The following LDLRAD2 variants were observed in gnomAD, a reference collection of about 807,000 sequenced individuals.
LDLRAD2 encodes the protein low density lipoprotein receptor class A domain containing 2.
In LDLRAD2, 25 loss-of-function variants were observed where a neutral mutation model predicts 24.9. The observed-to-expected ratio is 1.00, with a 90% CI of 0.73 to 1.40. The LOEUF (loss-of-function observed/expected upper bound fraction) is 1.40. LDLRAD2 is among the 40% of genes most tolerant of loss of function. The probability of loss-of-function intolerance (pLI) is 0.00; values close to 1 mark genes in which losing one functional copy is unlikely to be tolerated. For synonymous variants in LDLRAD2, 182 were observed against 166.7 expected (o/e 1.09, Z -0.71); for missense variants, 391 against 366.2 (o/e 1.07, Z -0.55).
In LDLRAD2 at chr1:21,824,590, C is replaced by T. The variant is rs374870276; in HGVS notation, c.*2375C>T. The T allele has an allele frequency of 2.2e-5, 36 of 1,613,894 alleles. No individual in the cohort carries two copies. Among genetic ancestry groups the T allele is most frequent in the Middle Eastern group, 1.6e-4 (1 of 6,062 alleles). On this transcript the variant is annotated 3_prime_UTR_variant, in exon 5 of 5. Coordinates refer to ENST00000344642, the MANE Select transcript of LDLRAD2 (RefSeq NM_001013693.3). The surrounding 1 kb of genome is among the most constrained non-coding windows in gnomAD (Gnocchi z 5.9). Reference sequence around the variant, plus strand: ...GCTGTGCTGGTCCGAACCTCCAGCTCGATGGTCTCGGGCACCTCGGGCAGG... The same window carrying T: ...GCTGTGCTGGTCCGAACCTCCAGCTTGATGGTCTCGGGCACCTCGGGCAGG...
At chr1:21,818,767 C>G (rs2097946923) in intron 3 of LDLRAD2, among the ~76,000 whole-genome samples, 1 of 152,146 alleles carries the variant, frequency 6.6e-6, no homozygotes, top group Non-Finnish European at 1.5e-5. Flanking sequence ...GCTCAAAACC[C>G]TCATCACATT....
At chr1:21,817,883 C>CT (rs202026867) in intron 3 of LDLRAD2, among the ~76,000 whole-genome samples, 14 of 151,868 alleles carry the variant, frequency 9.2e-5, no homozygotes, top group African/African-American at 3.1e-4. Context: ...TATTTTATTA[C>CT]TTTTTTTCAG....
At chr1:21,818,289 GGC>G (rs1553154138) in intron 3 of LDLRAD2, among the ~76,000 whole-genome samples, 1 of 152,210 alleles carries the variant, frequency 6.6e-6, no homozygotes, top group Non-Finnish European at 1.5e-5. Flanking sequence ...TGGGATTACA[GGC>G]GTGAGCCTCC....
chr1:21,815,855 C>T (rs1205027815), intron 2 of LDLRAD2, 88 bp from the exon 3 acceptor site: 4 of 1,527,430 alleles, frequency 2.6e-6, no homozygotes, highest in Non-Finnish European at 3.6e-6. Context: ...TGCCCACACC[C>T]CCACACTGTC....
intron 3 of LDLRAD2, among the ~76,000 whole-genome samples, chr1:21,817,665 A>T (rs2097945295): frequency 6.6e-6 from 1 of 152,164 alleles, no homozygotes. Context: ...AATTGAGAAG[A>T]TAGTACAGAA....
intron 3 of LDLRAD2, among the ~76,000 whole-genome samples, chr1:21,819,857 T>C (rs1444453313): frequency 6.6e-6 from 1 of 152,156 alleles, no homozygotes; most frequent in Non-Finnish European, 1.5e-5. Flanking sequence ...ACAGGAAGCA[T>C]GATGCTGGCA....
In LDLRAD2 at chr1:21,823,456, C is replaced by A; in HGVS notation, c.*1241C>A. The A allele has an allele frequency of 6.3e-7, 1 of 1,595,536 alleles. No individual in the cohort carries two copies. On this transcript the variant is annotated 3_prime_UTR_variant, in exon 5 of 5. Transcript: ENST00000344642. ...CCTGTGATGCCTGAGGAGAATCTGC[C>A]CCCGGTCAGCGTGGCCACGTCAGGG...
At position 21,823,603 on chromosome 1, in the gene LDLRAD2, GC is replaced by G. The variant is rs1471677255; in HGVS notation, c.*1392del. 6.2e-7 allele frequency: 1 copy of G among 1,612,030 alleles called. No homozygotes were observed. The highest frequency in any genetic ancestry group is 1.7e-5 in the Admixed American group (1 of 60,020). On this transcript the variant is annotated 3_prime_UTR_variant, in exon 5 of 5. Coordinates refer to ENST00000344642, the MANE Select transcript of LDLRAD2 (RefSeq NM_001013693.3). ...GTTCCTGCCCCTGCCCTGAGAAGGA[GC>G]CCCAGACTTACCGATGTAGACGCTG...
At chr1:21,815,170 TCA>T (rs1488688115) in intron 2 of LDLRAD2, among the ~76,000 whole-genome samples, 4 of 151,884 alleles carry the variant, frequency 2.6e-5, no homozygotes, top group African/African-American at 9.7e-5. Flanking sequence ...CGTTCACACC[TCA>T]CACTCTGACA....
At chr1:21,816,347 T>G (rs575174275) in intron 3 of LDLRAD2, among the ~76,000 whole-genome samples, 1 of 152,344 alleles carries the variant, frequency 6.6e-6, no homozygotes, top group East Asian at 1.9e-4. Context: ...TCAAAGGAGA[T>G]ATCCTCTGCT....
chr1:21,819,871 G>C (rs1037825095), intron 3 of LDLRAD2, among the ~76,000 whole-genome samples: 4 of 152,200 alleles, frequency 2.6e-5, no homozygotes, highest in African/African-American at 9.6e-5. Context: ...GCTGGCATCT[G>C]CTCAGCTTCA....
intron 4 of LDLRAD2, 174 bp from the exon 5 acceptor site, chr1:21,822,028 C>T: frequency 6.9e-7 from 1 of 1,447,026 alleles, no homozygotes; most frequent in Non-Finnish European, 9.1e-7. Flanking sequence ...GTTCTAACCC[C>T]CTGGCTCTCT....
At chr1:21,819,361 G>A (rs905179125) in intron 3 of LDLRAD2, among the ~76,000 whole-genome samples, 18 of 151,658 alleles carry the variant, frequency 1.2e-4, no homozygotes, top group African/African-American at 2.7e-4. Flanking sequence ...CAACAAGAGC[G>A]AAACTGTCTC....
At chr1:21,816,427 G>T (rs2097944061) in intron 3 of LDLRAD2, among the ~76,000 whole-genome samples, 2 of 152,202 alleles carry the variant, frequency 1.3e-5, no homozygotes. Flanking sequence ...TCACCCTCAA[G>T]ACATACTTTG....
chr1:21,821,671 G>A (rs6695528), intron 4 of LDLRAD2, 60 bp downstream of exon 4: 459,753 of 1,593,954 alleles, frequency 0.29, 67,895 homozygotes, highest in South Asian at 0.4. Context: ...TAGGTGATGG[G>A]GACGGGGCAG....
rs559484140 is a variant in LDLRAD2 at position 21,824,249 on chromosome 1, G to C, written c.*2034G>C. 1 of 1,613,232 alleles carries C rather than the reference G, an allele frequency of 6.2e-7. No individual in the cohort carries two copies. The highest frequency in any genetic ancestry group is 8.5e-7 in the Non-Finnish European group (1 of 1,179,454). Reference sequence around the variant, plus strand: ...AGAAGTATGAGCTGGGGCAGGACCGGGGGGTGGGGTGCTGGGACCAGGGAA... The same window carrying C: ...AGAAGTATGAGCTGGGGCAGGACCGCGGGGTGGGGTGCTGGGACCAGGGAA... On this transcript the variant is annotated 3_prime_UTR_variant, in exon 5 of 5. Coordinates refer to ENST00000344642, the MANE Select transcript of LDLRAD2 (RefSeq NM_001013693.3). This position sits in a 1 kb window ranked among gnomAD's most constrained non-coding sequence, Gnocchi z 5.9.
chr1:21,813,836 G>A (rs79500108), intron 1 of LDLRAD2, among the ~76,000 whole-genome samples: 4,860 of 150,988 alleles, frequency 0.032, 254 homozygotes, highest in African/African-American at 0.11. Context: ...TCAAAAGCAG[G>A]AAGAAAAGGG....
In LDLRAD2 at chr1:21,824,536, C is replaced by T. The variant is rs1431652818; in HGVS notation, c.*2321C>T. ...GAGCCCAGCCGGATACCCACACTCA[C>T]CACACCCTGCCAGAGCAGGAGGCCA... is the stretch of plus-strand genomic sequence containing the variant. On this transcript the variant is annotated 3_prime_UTR_variant, in exon 5 of 5. Transcript: ENST00000344642. The surrounding 1 kb of genome is among the most constrained non-coding windows in gnomAD (Gnocchi z 5.9). 1.2e-6 allele frequency: 2 copies of T among 1,613,396 alleles called. No individual in the cohort carries two copies. Among genetic ancestry groups the T allele is most frequent in the East Asian group, 2.2e-5 (1 of 44,880 alleles).
At position 21,824,541 on chromosome 1, in the gene LDLRAD2, C is replaced by T; in HGVS notation, c.*2326C>T. ...CAGCCGGATACCCACACTCACCACACCCTGCCAGAGCAGGAGGCCACTGGC... is the reference window on the plus strand; with the variant it reads ...CAGCCGGATACCCACACTCACCACATCCTGCCAGAGCAGGAGGCCACTGGC... On this transcript the variant is annotated 3_prime_UTR_variant, in exon 5 of 5. Transcript: ENST00000344642. The surrounding 1 kb of genome is among the most constrained non-coding windows in gnomAD (Gnocchi z 5.9). 1 of 1,613,520 alleles carries T rather than the reference C, an allele frequency of 6.2e-7. No homozygotes were observed. The highest frequency in any genetic ancestry group is 8.5e-7 in the Non-Finnish European group (1 of 1,179,996).
Sources: allele counts gnomAD v4.1 joint callset (sites outside exome capture counted in the v4.1 genomes callset), GRCh38; gene constraint gnomAD v4.1.1; non-coding constraint Gnocchi (gnomAD v3.1); transcripts MANE v1.5; gene names NCBI Gene and HGNC (gene_info 2026-07-23, HGNC 2026-07-21).